Variants in PDS5A observed in about 807,000 individuals in gnomAD.
PDS5A encodes the protein PDS5 cohesin associated factor A, also known as sister chromatid cohesion protein PDS5 homolog A.
A neutral mutation model predicts 167.1 loss-of-function variants in PDS5A; 42 were observed. That is an observed-to-expected ratio of 0.25 (90% confidence interval 0.20 to 0.33). The LOEUF (loss-of-function observed/expected upper bound fraction) is 0.33, where lower values mean the gene tolerates loss of function less well. Among genes scored for constraint, PDS5A ranks in the 10% least tolerant of loss-of-function variants. The pLI is 1.00. For synonymous variants in PDS5A, 553 were observed against 554.6 expected, an observed-to-expected ratio of 1.00 and a Z score of 0.04; for missense variants, 1,033 against 1,605.9, an observed-to-expected ratio of 0.64 and a Z score of 6.10.
intron 2 of PDS5A, among the ~76,000 whole-genome samples, chr4:39,966,996 CAAAAAATAAAGAAAA>C (rs1446462930): frequency 6.8e-6 from 1 of 147,276 alleles, no homozygotes; most frequent in Non-Finnish European, 1.5e-5. Context: ...AATTCCCTTT[CAAAAAATAAAGAAAA>C]AAAAAATTTC....
At chr4:39,887,653 T>G (rs898617608) in intron 17 of PDS5A, among the ~76,000 whole-genome samples, 1 of 152,106 alleles carries the variant, frequency 6.6e-6, no homozygotes. Flanking sequence ...TTAAAGACAG[T>G]GATCTGAGCC....
intron 16 of PDS5A, among the ~76,000 whole-genome samples, chr4:39,893,578 C>A (rs528979407): frequency 5.3e-5 from 8 of 152,230 alleles, no homozygotes; most frequent in Non-Finnish European, 2.9e-5. Flanking sequence ...ATGAGAGAAA[C>A]TAAATTTTAC....
intron 26 of PDS5A, 107 bp from the exon 27 acceptor site, chr4:39,849,759 T>C (rs997452838): frequency 3.0e-6 from 2 of 671,812 alleles, no homozygotes; most frequent in South Asian, 2.3e-5. Context: ...TAAAATAAAA[T>C]GATCAACCTT....
chr4:39,928,858 T>C (rs1202756679), intron 2 of PDS5A, among the ~76,000 whole-genome samples: 3 of 150,446 alleles, frequency 2.0e-5, no homozygotes, highest in Admixed American at 2.0e-4. Flanking sequence ...TAAAATTATA[T>C]TAATGCAGTT....
rs373126029 is a variant in PDS5A, at chr4:39,849,598, A to G, written c.3141T>C (p.His1047=). The G allele has an allele frequency of 6.2e-7, 1 of 1,610,142 alleles. No individual in the cohort carries two copies. The highest frequency in any genetic ancestry group is 1.3e-5 in the African/African-American group (1 of 74,848). The change falls in exon 27 of 33, where the codon CAT becomes CAC. Residue 1047 remains histidine (H), a synonymous_variant. Transcript: ENST00000303538. ...TCTCTGCCATCTTCTTCATAAAGGCATGGCTATTGTTTTCATTCTTTGTCA... is the reference window on the plus strand; with the variant it reads ...TCTCTGCCATCTTCTTCATAAAGGCGTGGCTATTGTTTTCATTCTTTGTCA... ...VLMTKNENNS[H]AFMKKMAENI... is the part of the protein sequence containing the mutation.
intron 17 of PDS5A, among the ~76,000 whole-genome samples, chr4:39,880,119 C>A (rs1308526414): frequency 6.6e-6 from 1 of 151,958 alleles, no homozygotes; most frequent in Non-Finnish European, 1.5e-5. Context: ...ATATTCATTT[C>A]CATATATACA....
At chr4:39,896,324 G>A (rs1722406028) in intron 16 of PDS5A, among the ~76,000 whole-genome samples, 1 of 150,368 alleles carries the variant, frequency 6.7e-6, no homozygotes, top group African/African-American at 2.5e-5. Context: ...GAGATTACAG[G>A]TGTGAGCCAA....
chr4:39,885,695 G>A (rs573279030), intron 17 of PDS5A, among the ~76,000 whole-genome samples: 85 of 151,908 alleles, frequency 5.6e-4, no homozygotes, highest in African/African-American at 2.0e-3. Context: ...TGGGTGGATC[G>A]CTTAGGTCCA....
chr4:39,963,576 T>C (rs1415316744), intron 2 of PDS5A, among the ~76,000 whole-genome samples: 3 of 152,184 alleles, frequency 2.0e-5, no homozygotes, highest in Admixed American at 1.3e-4. Context: ...CTGGGCACAG[T>C]GGCTCATGCC....
intron 17 of PDS5A, among the ~76,000 whole-genome samples, chr4:39,882,999 G>A (rs1036591987): frequency 1.3e-5 from 2 of 152,078 alleles, no homozygotes; most frequent in Non-Finnish European, 2.9e-5. Flanking sequence ...GACGCCTTGA[G>A]TGAAAACTCT....
chr4:39,945,289 G>A (rs894283558), intron 2 of PDS5A, among the ~76,000 whole-genome samples: 6 of 151,576 alleles, frequency 4.0e-5, no homozygotes, highest in African/African-American at 1.2e-4. Flanking sequence ...TGAAACCCCC[G>A]TCTCTACTAA....
chr4:39,910,504 G>T (rs561405586), intron 9 of PDS5A, among the ~76,000 whole-genome samples, 166 bp from the exon 10 acceptor site: 2 of 152,318 alleles, frequency 1.3e-5, no homozygotes, highest in Non-Finnish European at 2.9e-5. Context: ...ACTATAAGGT[G>T]AAAGGATACA....
At chr4:39,901,266 CTTTTTTTT>C (rs772230554) in intron 13 of PDS5A, among the ~76,000 whole-genome samples, 10 of 121,282 alleles carry the variant, frequency 8.2e-5, no homozygotes, top group Admixed American at 8.1e-4. Flanking sequence ...TCTTTTCTTT[CTTTTTTTT>C]TTTTTTTTTT....
At chr4:39,896,757 C>A (rs1310127865) in intron 16 of PDS5A, among the ~76,000 whole-genome samples, 3 of 150,156 alleles carry the variant, frequency 2.0e-5, no homozygotes, top group African/African-American at 7.4e-5. Context: ...CAGAGCAAAA[C>A]CCTGTTTAAA....
chr4:39,901,680 T>C (rs1722900186), intron 13 of PDS5A, among the ~76,000 whole-genome samples: 1 of 152,232 alleles, frequency 6.6e-6, no homozygotes, highest in South Asian at 2.1e-4. Flanking sequence ...AGAATCTCAC[T>C]ACATTGCCCA....
chr4:39,917,437 G>C (rs1011309856), intron 7 of PDS5A, among the ~76,000 whole-genome samples: 1 of 152,028 alleles, frequency 6.6e-6, no homozygotes, highest in African/African-American at 2.4e-5. Flanking sequence ...TTGGTTTGTT[G>C]GGTGTATTTC....
At chr4:39,831,927 C>T (rs902399314) in intron 32 of PDS5A, among the ~76,000 whole-genome samples, 4 of 137,522 alleles carry the variant, frequency 2.9e-5, no homozygotes, top group Non-Finnish European at 6.2e-5. Context: ...TCTGGCTGCC[C>T]AACACGGTGA....
chr4:39,830,239 G>C (rs183615322), intron 32 of PDS5A, among the ~76,000 whole-genome samples: 8 of 152,230 alleles, frequency 5.3e-5, no homozygotes, highest in African/African-American at 1.9e-4. Flanking sequence ...ACTCAGGCTG[G>C]AGTACAGTGG....
At chr4:39,873,626 A>G (rs1026921109) in intron 20 of PDS5A, among the ~76,000 whole-genome samples, 1 of 152,200 alleles carries the variant, frequency 6.6e-6, no homozygotes, top group Admixed American at 6.5e-5. Flanking sequence ...GGGAAACAGG[A>G]TTAATTTTCA....
Sources: allele counts gnomAD v4.1 joint callset (sites outside exome capture counted in the v4.1 genomes callset), GRCh38; gene constraint gnomAD v4.1.1; transcripts MANE v1.5; gene names NCBI Gene and HGNC (gene_info 2026-07-23, HGNC 2026-07-21).